Variants in SLC8A1 observed in about 807,000 individuals in gnomAD.
SLC8A1 encodes the protein sodium/calcium exchanger 1.
A neutral mutation model predicts 68.3 loss-of-function variants in SLC8A1; 18 were observed. The ratio of observed to expected loss-of-function variants is 0.26; its 90% CI spans 0.18 to 0.39. The LOEUF is 0.39. Ranked by LOEUF, SLC8A1 falls within the 10% of genes least tolerant of loss-of-function variation. The pLI, the probability that SLC8A1 is intolerant of heterozygous loss-of-function variation, is 1.00. For synonymous variants in SLC8A1, 475 were observed against 415.5 expected (o/e 1.14, Z -1.74); for missense variants, 985 against 1,156.7 (o/e 0.85, Z 2.15).
intron 2 of SLC8A1, among the ~76,000 whole-genome samples, chr2:40,217,245 T>C (rs369237733): frequency 4.7e-4 from 72 of 152,294 alleles, no homozygotes; most frequent in African/African-American, 1.7e-3. Flanking sequence ...TTGAATAGGA[T>C]ATCATTTCCC....
intron 2 of SLC8A1, among the ~76,000 whole-genome samples, chr2:40,206,637 A>G (rs571397752): frequency 4.5e-4 from 68 of 152,178 alleles, no homozygotes; most frequent in African/African-American, 1.6e-3. Flanking sequence ...TCCTTTGCTT[A>G]TCTTAAAACA....
intron 2 of SLC8A1, among the ~76,000 whole-genome samples, chr2:40,367,433 T>C (rs1163682110): frequency 6.6e-6 from 1 of 152,026 alleles, no homozygotes; most frequent in Non-Finnish European, 1.5e-5. Flanking sequence ...CACACATCCC[T>C]TTTTTCCCCG....
chr2:40,196,086 A>C (rs1314772225), intron 2 of SLC8A1, among the ~76,000 whole-genome samples: 2 of 151,426 alleles, frequency 1.3e-5, no homozygotes, highest in Non-Finnish European at 3.0e-5. Context: ...TCAGGAGACT[A>C]ACAACTTTAT....
chr2:40,168,365 C>T (rs1193305218), intron 4 of SLC8A1, among the ~76,000 whole-genome samples: 2 of 152,038 alleles, frequency 1.3e-5, no homozygotes, highest in Non-Finnish European at 2.9e-5. Flanking sequence ...TGGTGGAATG[C>T]GGAAGTTCAT....
At chr2:40,133,168 C>T (rs1026990705) in intron 7 of SLC8A1, among the ~76,000 whole-genome samples, 2 of 152,078 alleles carry the variant, frequency 1.3e-5, no homozygotes, top group African/African-American at 4.8e-5. Context: ...GTTAGAAGTC[C>T]AGGTTCCTGA....
At chr2:40,133,066 TG>T (rs761927879) in intron 7 of SLC8A1, among the ~76,000 whole-genome samples, 10 of 152,292 alleles carry the variant, frequency 6.6e-5, no homozygotes, top group Non-Finnish European at 1.2e-4. Context: ...TTAATCTTCT[TG>T]AAAAGTTTGT....
At chr2:40,274,266 G>T (rs2066422456) in intron 2 of SLC8A1, among the ~76,000 whole-genome samples, 1 of 149,382 alleles carries the variant, frequency 6.7e-6, no homozygotes, top group African/African-American at 2.5e-5. Context: ...CATATTTGTA[G>T]CCCCACATAA....
intron 2 of SLC8A1, among the ~76,000 whole-genome samples, chr2:40,390,971 T>C (rs998781551): frequency 3.3e-5 from 5 of 152,098 alleles, no homozygotes; most frequent in African/African-American, 1.2e-4. Context: ...TGGATATATT[T>C]GGAGGCAGTT....
chr2:40,352,830 G>C (rs1056623221), intron 2 of SLC8A1, among the ~76,000 whole-genome samples: 7 of 152,272 alleles, frequency 4.6e-5, no homozygotes, highest in Admixed American at 2.6e-4. Flanking sequence ...GAGAGGCCTC[G>C]ATATGTCTGT....
chr2:40,436,577 T>C (rs990683341), intron 1 of SLC8A1, among the ~76,000 whole-genome samples: 1 of 152,118 alleles, frequency 6.6e-6, no homozygotes, highest in African/African-American at 2.4e-5. Context: ...TTGCTTATTT[T>C]ATATGCTCTG....
chr2:40,484,677 A>T (rs1274488990), intron 1 of SLC8A1, among the ~76,000 whole-genome samples: 2 of 152,312 alleles, frequency 1.3e-5, no homozygotes, highest in East Asian at 3.9e-4. Context: ...CTATCAGCTG[A>T]GTTAGCAAGG....
chr2:40,356,972 C>G (rs1412264294), intron 2 of SLC8A1, among the ~76,000 whole-genome samples: 1 of 152,166 alleles, frequency 6.6e-6, no homozygotes, highest in African/African-American at 2.4e-5. Context: ...CTATTATAAA[C>G]AAGAACACTC....
intron 2 of SLC8A1, among the ~76,000 whole-genome samples, chr2:40,348,850 T>G (rs931952340): frequency 6.6e-6 from 1 of 152,216 alleles, no homozygotes; most frequent in Non-Finnish European, 1.5e-5. Flanking sequence ...ATCACAGTCC[T>G]CTTATGCTTT....
chr2:40,226,157 C>T (rs758572671), intron 2 of SLC8A1, among the ~76,000 whole-genome samples: 8 of 152,086 alleles, frequency 5.3e-5, no homozygotes, highest in Non-Finnish European at 1.0e-4. Flanking sequence ...ACAGCTACTT[C>T]ACAAGCACAG....
intron 7 of SLC8A1, among the ~76,000 whole-genome samples, chr2:40,126,605 C>G (rs2038150074): frequency 6.6e-6 from 1 of 152,028 alleles, no homozygotes; most frequent in Non-Finnish European, 1.5e-5. Context: ...CTAGACCTGC[C>G]TGAGTAAATC....
At chr2:40,370,240 C>T (rs909043322) in intron 2 of SLC8A1, among the ~76,000 whole-genome samples, 1 of 152,150 alleles carries the variant, frequency 6.6e-6, no homozygotes, top group East Asian at 1.9e-4. Flanking sequence ...CTTCTAGAAC[C>T]ATAACCTCAG....
intron 2 of SLC8A1, among the ~76,000 whole-genome samples, chr2:40,365,349 T>A (rs1675818151): frequency 6.6e-6 from 1 of 152,164 alleles, no homozygotes; most frequent in South Asian, 2.1e-4. Context: ...CAGGGCTATA[T>A]CTTTACACAT....
At chr2:40,188,533 G>A (rs430314) in intron 2 of SLC8A1, among the ~76,000 whole-genome samples, 17,827 of 152,210 alleles carry the variant, frequency 0.12, 1,177 homozygotes, top group Middle Eastern at 0.22. Flanking sequence ...AACATTCCTG[G>A]AAGGTCATCA....
intron 2 of SLC8A1, among the ~76,000 whole-genome samples, chr2:40,183,963 C>T (rs982761850): frequency 6.6e-6 from 1 of 151,968 alleles, no homozygotes; most frequent in African/African-American, 2.4e-5. Context: ...TTAGAGCAGC[C>T]TGGGCAACAA....
Sources: allele counts gnomAD v4.1 joint callset (sites outside exome capture counted in the v4.1 genomes callset), GRCh38; gene constraint gnomAD v4.1.1; transcripts MANE v1.5; gene names NCBI Gene and HGNC (gene_info 2026-07-23, HGNC 2026-07-21).